The following AHRR variants were observed in gnomAD, a reference collection of about 807,000 sequenced individuals.
The protein encoded by AHRR is ahR repressor.
A neutral mutation model predicts 44.0 loss-of-function variants in AHRR; 28 were observed. That is an observed-to-expected ratio of 0.64 (90% CI 0.47 to 0.87). The LOEUF (loss-of-function observed/expected upper bound fraction) is 0.87. Ranked by LOEUF, AHRR falls within the 40% of genes least tolerant of loss-of-function variation. The pLI is 0.00. For missense variants in AHRR, 990 were observed against 953.9 expected (o/e 1.04, Z -0.50); for synonymous variants, 434 against 407.0 (o/e 1.07, Z -0.80).
chr5:334,492 G>T (rs1742052117), intron 1 of AHRR, among the ~76,000 whole-genome samples: 1 of 151,488 alleles, frequency 6.6e-6, no homozygotes, highest in Non-Finnish European at 1.5e-5. Flanking sequence ...CTTCTGCTTG[G>T]TCTAGTCTAT....
rs535084891 is a variant in AHRR, at chr5:405,203, C to T, written c.352-8141C>T. Among the ~76,000 whole-genome samples, 20 of 152,258 alleles carry T rather than the reference C, an allele frequency of 1.3e-4. No homozygotes were observed. Among genetic ancestry groups the T allele is most frequent in the Non-Finnish European group, 2.1e-4 (14 of 68,028 alleles). The stretch of plus-strand genomic sequence containing the variant: ...GCAGATTCACCAGACTTTCTGCTCA[C>T]GACCCAAAGAGGTTAGCATGGAACC... On this transcript the variant is annotated intron_variant, in intron 4 of 10. Transcript: ENST00000684583. This position sits in a 1 kb window ranked among gnomAD's most constrained non-coding sequence, Gnocchi z 4.5.
At chr5:334,357 T>C (rs1317765163) in intron 1 of AHRR, among the ~76,000 whole-genome samples, 1 of 152,142 alleles carries the variant, frequency 6.6e-6, no homozygotes, top group Admixed American at 6.5e-5. Context: ...AACTTGTAAA[T>C]TCAGTCGCTG....
intron 1 of AHRR, among the ~76,000 whole-genome samples, chr5:332,194 G>A (rs764615020): frequency 4.7e-5 from 7 of 149,236 alleles, no homozygotes; most frequent in Non-Finnish European, 1.0e-4. Flanking sequence ...TTAAACATTT[G>A]TTGAGAGGAA....
At chr5:359,532 C>T (rs533105145) in intron 3 of AHRR, among the ~76,000 whole-genome samples, 1 of 152,044 alleles carries the variant, frequency 6.6e-6, no homozygotes, top group Non-Finnish European at 1.5e-5. Context: ...AGATTAGTAC[C>T]AAAAACAAAG....
rs1016748382 is a variant in AHRR, at chr5:419,944, C to T, written c.442-2785C>T. 6.6e-5 allele frequency among the ~76,000 whole-genome samples: 10 copies of T among 152,136 alleles called. No individual in the cohort carries two copies. Among genetic ancestry groups the T allele is most frequent in the South Asian group, 2.1e-4 (1 of 4,824 alleles). On this transcript the variant is annotated intron_variant, in intron 5 of 10. Coordinates refer to ENST00000684583, the MANE Select transcript of AHRR (RefSeq NM_001377236.1). This position sits in a 1 kb window ranked among gnomAD's most constrained non-coding sequence, Gnocchi z 4.4. ...GTAGAGTGGTTTAGAATAAGAACTC[C>T]GAAAGGTTCCTTGTGGATCCCCTTT...
In AHRR at chr5:434,258, C is replaced by T; in HGVS notation, c.1518C>T (p.Pro506=). 1 of 1,601,490 alleles carries T rather than the reference C, an allele frequency of 6.2e-7. No homozygotes were observed. The highest frequency in any genetic ancestry group is 8.5e-7 in the Non-Finnish European group (1 of 1,173,748). ...AGCGTTTTGCCACGAGGGGCTATCC[C>T]ATGGAGGACATGAAGCTGCAAGGTG... ...GAQRFATRGY[P]MEDMKLQGVP... is the part of the protein sequence containing the mutation. The change falls in exon 11 of 11, where the codon CCC becomes CCT. Residue 506 remains proline (P), a synonymous_variant. Transcript: ENST00000684583.
intron 4 of AHRR, among the ~76,000 whole-genome samples, chr5:393,712 A>G (rs1734576126): frequency 6.6e-6 from 1 of 151,990 alleles, no homozygotes; most frequent in Admixed American, 6.5e-5. Context: ...ATCTTGGCTC[A>G]CTGCAACCTC....
At chr5:339,069 T>C (rs1439922480) in intron 1 of AHRR, among the ~76,000 whole-genome samples, 2 of 152,198 alleles carry the variant, frequency 1.3e-5, no homozygotes, top group African/African-American at 4.8e-5. Context: ...GTCTCAGTAA[T>C]TAGTTATAGG....
Position 421,071 on chromosome 5 carries a change from TAA to T in AHRR, c.442-1656_442-1655del, listed in dbSNP as rs1419837404. On this transcript the variant is annotated intron_variant, in intron 5 of 10. Coordinates refer to ENST00000684583, the MANE Select transcript of AHRR (RefSeq NM_001377236.1). ...CCTATCCACCGCAGCGACTAAAAGA[TAA>T]AGAGGGAAAAGGACAAACATTGGCC... 5.5e-5 allele frequency: 27 copies of T among 494,172 alleles called. No homozygotes were observed. In the East Asian group the frequency reaches 9.5e-4, roughly 17 times the overall value. 30.6% of individuals were successfully genotyped at this position (494,172 alleles called of 1,614,324 possible).
At chr5:384,872 G>A (rs191378184) in intron 4 of AHRR, among the ~76,000 whole-genome samples, 52 of 152,250 alleles carry the variant, frequency 3.4e-4, no homozygotes, top group South Asian at 2.1e-3. Flanking sequence ...TAGGCCGGGC[G>A]CGGTGGCTCA....
In AHRR at chr5:353,951, G is replaced by A. The variant is rs1410596715; in HGVS notation, c.244+40G>A. On this transcript the variant is annotated intron_variant, in intron 3 of 10. Transcript: ENST00000684583. ...TGCTCCCACCTGTTCACTTGAGTCA[G>A]GCTGTGTCTCCCCTGAGTCCATCTG... The A allele has an allele frequency of 1.3e-5, 20 of 1,581,376 alleles. No homozygotes were observed. The Admixed American group carries it at 3.5e-4, about 27-fold the overall frequency.
At chr5:331,122 G>A (rs1741897773) in intron 1 of AHRR, among the ~76,000 whole-genome samples, 2 of 151,978 alleles carry the variant, frequency 1.3e-5, no homozygotes, top group South Asian at 4.2e-4. Flanking sequence ...TGATCCACCC[G>A]CCTCGGCCTC....
rs774952565 is a variant in AHRR at position 434,427 on chromosome 5, C to T, written c.1687C>T (p.Pro563Ser). Reference protein sequence around the residue: ...VWLGASDRSHPATFPTRMHLK... With the variant: ...VWLGASDRSHSATFPTRMHLK... ...GCTGGGGGCCAGTGACAGGAGCCAC[C>T]CAGCCACCTTCCCTACCAGGATGCA... Residue 563 changes from proline to serine, a missense_variant, in exon 11 of 11, where the codon CCA (proline) becomes TCA (serine). Physicochemically the swap from Pro to Ser is moderately conservative, Grantham distance 74. Transcript: ENST00000684583. 6.2e-7 allele frequency: 1 copy of T among 1,613,400 alleles called. No homozygotes were observed.
At chr5:382,256 G>A (rs1734015456) in intron 4 of AHRR, among the ~76,000 whole-genome samples, 1 of 152,192 alleles carries the variant, frequency 6.6e-6, no homozygotes, top group Admixed American at 6.5e-5. Flanking sequence ...ATTTTCTCTT[G>A]AAATGTTTGG....
intron 1 of AHRR, among the ~76,000 whole-genome samples, chr5:331,036 C>T (rs1475848384): frequency 6.6e-6 from 1 of 151,834 alleles, no homozygotes; most frequent in East Asian, 1.9e-4. Context: ...GCCACCATGC[C>T]CAGCTAATTT....
At position 405,892 on chromosome 5, in the gene AHRR, T is replaced by C. The variant is rs533380490; in HGVS notation, c.352-7452T>C. On this transcript the variant is annotated intron_variant, in intron 4 of 10. Coordinates refer to ENST00000684583, the MANE Select transcript of AHRR (RefSeq NM_001377236.1). This position sits in a 1 kb window ranked among gnomAD's most constrained non-coding sequence, Gnocchi z 4.5. Reference sequence around the variant, plus strand: ...CTCTCGGTCTGAGGCTGCGTCCTTCTGGTGTGGCTTTCCTCCTGAATTAGG... The same window carrying C: ...CTCTCGGTCTGAGGCTGCGTCCTTCCGGTGTGGCTTTCCTCCTGAATTAGG... 6.6e-6 allele frequency among the ~76,000 whole-genome samples: 1 copy of C among 152,250 alleles called. No homozygotes were observed. Among genetic ancestry groups the C allele is most frequent in the Admixed American group, 6.5e-5 (1 of 15,284 alleles).
chr5:362,171 T>G (rs1053295635), intron 3 of AHRR, among the ~76,000 whole-genome samples: 4 of 152,194 alleles, frequency 2.6e-5, no homozygotes, highest in African/African-American at 9.6e-5. Flanking sequence ...GGGCTCACTC[T>G]GTCCACAAGC....
intron 10 of AHRR, 36 bp downstream of exon 10, chr5:432,983 A>G (rs1420728272): frequency 5.2e-6 from 8 of 1,546,512 alleles, no homozygotes; most frequent in Non-Finnish European, 7.0e-6. Flanking sequence ...CAGCCCTGGC[A>G]GCTCCCTAAG....
chr5:423,895 C>A lies in AHRR; in HGVS notation c.626C>A (p.Thr209Lys), dbSNP rs374324800. The part of the protein sequence containing the change: ...LLRAQEWGTG[T>K]PTEYSAFLTR... Reference sequence around the variant, plus strand: ...AGGGCCCAGGAGTGGGGCACAGGCACGCCCACCGAGTACTCGGCCTTCCTG... The same window carrying A: ...AGGGCCCAGGAGTGGGGCACAGGCAAGCCCACCGAGTACTCGGCCTTCCTG... The change falls in exon 7 of 11, where the codon ACG becomes AAG. Residue 209 changes from threonine to lysine, a missense_variant. Transcript: ENST00000684583. 6.2e-7 allele frequency: 1 copy of A among 1,604,844 alleles called. No individual in the cohort carries two copies. Among genetic ancestry groups the A allele is most frequent in the South Asian group, 1.1e-5 (1 of 91,070 alleles).
Sources: gnomAD v4.1 joint callset for allele counts (sites outside exome capture counted in the v4.1 genomes callset) on GRCh38, gnomAD v4.1.1 for gene constraint, Gnocchi (gnomAD v3.1) non-coding constraint, MANE v1.5 for transcripts, NCBI Gene and HGNC (gene_info 2026-07-23, HGNC 2026-07-21) for gene names.